Variants in WDR7 observed in about 807,000 individuals in gnomAD.
WDR7 encodes WD repeat-containing protein 7.
WDR7 carries 46 observed loss-of-function variants against 169.4 expected under a neutral mutation model. That is an observed-to-expected ratio of 0.27 (90% CI 0.21 to 0.35). The LOEUF (loss-of-function observed/expected upper bound fraction) is 0.35, where lower values mean the gene tolerates loss of function less well. WDR7 is among the 10% of genes least tolerant of loss of function. WDR7 has a pLI of 1.00. For synonymous variants in WDR7, 612 were observed against 666.8 expected (o/e 0.92, Z 1.27); for missense variants, 1,534 against 1,859.3 (o/e 0.83, Z 3.22).
At position 56,673,918 on chromosome 18, in the gene WDR7, A is replaced by C. The variant is rs148897713; in HGVS notation, c.159+1244A>C. Among the ~76,000 whole-genome samples the C allele has an allele frequency of 7.2e-5, 11 of 152,284 alleles. No homozygotes were observed. The East Asian group carries it at 2.1e-3, about 29-fold the overall frequency. On this transcript the variant is annotated intron_variant, in intron 2 of 27. Coordinates refer to ENST00000254442, the MANE Select transcript of WDR7 (RefSeq NM_015285.3). ...ACGTCGTGATTATTCTGGACATTTA[A>C]TATAAATGGAATCATATAACTATAA...
At chr18:56,974,733 T>TATGA (rs1368254354) in intron 26 of WDR7, among the ~76,000 whole-genome samples, 1 of 152,198 alleles carries the variant, frequency 6.6e-6, no homozygotes, top group African/African-American at 2.4e-5. Context: ...ACCTTCAGCA[T>TATGA]ATGATATCTA....
chr18:56,668,912 T>A (rs199872032), intron 1 of WDR7, among the ~76,000 whole-genome samples: 4 of 135,640 alleles, frequency 2.9e-5, no homozygotes, highest in East Asian at 2.2e-4. Flanking sequence ...TTTTTTTTTT[T>A]AAATAATATT....
chr18:56,674,423 T>C (rs1244375968), intron 2 of WDR7, among the ~76,000 whole-genome samples: 2 of 152,206 alleles, frequency 1.3e-5, no homozygotes, highest in Non-Finnish European at 2.9e-5. Flanking sequence ...ATTGGCCGTT[T>C]GTATATCTTC....
At chr18:57,020,626 G>T (rs1344072974) in intron 26 of WDR7, 119 bp from the exon 27 acceptor site, 4 of 874,534 alleles carry the variant, frequency 4.6e-6, no homozygotes, top group Admixed American at 2.5e-5. Flanking sequence ...TATAAACAAA[G>T]AAGATAACAG....
intron 21 of WDR7, among the ~76,000 whole-genome samples, chr18:56,891,868 G>C (rs970832604): frequency 2.6e-4 from 39 of 151,944 alleles, no homozygotes; most frequent in Admixed American, 6.6e-4. Context: ...AATTATTTAT[G>C]TTTGGATGAA....
intron 25 of WDR7, chr18:56,957,357 G>A (rs187548665): frequency 3.3e-5 from 5 of 151,840 alleles, no homozygotes; most frequent in Admixed American, 2.0e-4. Flanking sequence ...ACAAAGAGGA[G>A]GCGCAGCATC....
intron 27 of WDR7, among the ~76,000 whole-genome samples, chr18:57,022,710 C>A (rs2048308752): frequency 6.6e-6 from 1 of 152,092 alleles, no homozygotes; most frequent in Middle Eastern, 3.2e-3. Flanking sequence ...CTATTTATAT[C>A]AAAATTACTG....
At chr18:56,987,733 C>T (rs62098627) in intron 26 of WDR7, among the ~76,000 whole-genome samples, 2 of 151,984 alleles carry the variant, frequency 1.3e-5, no homozygotes, top group South Asian at 2.1e-4. Context: ...GAGTATATCA[C>T]GTTATTTTTT....
chr18:56,719,183 A>C (rs1484510909), intron 13 of WDR7, among the ~76,000 whole-genome samples: 2 of 152,246 alleles, frequency 1.3e-5, no homozygotes, highest in East Asian at 3.8e-4. Context: ...AGAAAAGAAG[A>C]AAGATGAGCC....
At chr18:56,933,839 AGGAAAGCCT>A (rs1250930042) in intron 22 of WDR7, among the ~76,000 whole-genome samples, 2 of 152,246 alleles carry the variant, frequency 1.3e-5, no homozygotes, top group African/African-American at 4.8e-5. Context: ...GAAATAACAC[AGGAAAGCCT>A]GGCTTTCAAC....
In WDR7 at chr18:56,903,207, A is replaced by G. The variant is rs145506480; in HGVS notation, c.3527-20715A>G. ...TTGCATCTTTTATTGGTCTGCCTTT[A>G]TTTTCTGATATTTTCTAAAGATGGT... On this transcript the variant is annotated intron_variant, in intron 21 of 27. Coordinates refer to ENST00000254442, the MANE Select transcript of WDR7 (RefSeq NM_015285.3). Among the ~76,000 whole-genome samples, 132 of 151,924 alleles carry G rather than the reference A, an allele frequency of 8.7e-4. 1 individual carries two copies. The highest frequency in any genetic ancestry group is 2.8e-3 in the African/African-American group (118 of 41,436).
At chr18:56,825,853 G>A (rs1382315607) in intron 20 of WDR7, among the ~76,000 whole-genome samples, 2 of 152,096 alleles carry the variant, frequency 1.3e-5, no homozygotes, top group African/African-American at 4.8e-5. Flanking sequence ...TTTATGTATT[G>A]TCTAGATAAA....
intron 21 of WDR7, among the ~76,000 whole-genome samples, chr18:56,888,384 G>A (rs1046914066): frequency 1.3e-4 from 20 of 152,178 alleles, no homozygotes; most frequent in Middle Eastern, 3.2e-3. Flanking sequence ...ATCCCTCTGG[G>A]TTGCAGAATT....
intron 20 of WDR7, among the ~76,000 whole-genome samples, chr18:56,824,438 T>C (rs1350444006): frequency 6.6e-6 from 1 of 152,262 alleles, no homozygotes; most frequent in African/African-American, 2.4e-5. Flanking sequence ...AGCACTAGAA[T>C]AGCTGGTACA....
chr18:56,839,784 C>T (rs936690524), intron 20 of WDR7, among the ~76,000 whole-genome samples: 7 of 152,074 alleles, frequency 4.6e-5, no homozygotes, highest in African/African-American at 1.7e-4. Context: ...AGGACTCAGC[C>T]AGGCGTGGTG....
intron 12 of WDR7, among the ~76,000 whole-genome samples, chr18:56,716,566 T>A (rs2026196932): frequency 6.6e-6 from 1 of 152,180 alleles, no homozygotes. Flanking sequence ...AAAATAAAGC[T>A]AAATCATGGT....
At chr18:56,775,490 T>C (rs995102543) in intron 16 of WDR7, among the ~76,000 whole-genome samples, 2 of 152,162 alleles carry the variant, frequency 1.3e-5, no homozygotes, top group Admixed American at 1.3e-4. Context: ...TAATGGAGTT[T>C]GTAGGTCTTA....
chr18:56,816,206 A>G (rs890654736), intron 20 of WDR7, 62 bp downstream of exon 20: 10 of 1,431,844 alleles, frequency 7.0e-6, no homozygotes, highest in Non-Finnish European at 8.6e-6. Context: ...AATGTTTTCT[A>G]GGTTATTTGT....
chr18:56,993,700 T>C (rs944570305), intron 26 of WDR7, among the ~76,000 whole-genome samples: 1 of 146,278 alleles, frequency 6.8e-6, no homozygotes, highest in African/African-American at 2.5e-5. Context: ...CTAGGGAAGA[T>C]GGTGGGATGC....
Sources: allele counts gnomAD v4.1 joint callset (sites outside exome capture counted in the v4.1 genomes callset), GRCh38; gene constraint gnomAD v4.1.1; transcripts MANE v1.5; gene names NCBI Gene and HGNC (gene_info 2026-07-23, HGNC 2026-07-21).